Variants in PTPRN2 observed in about 807,000 individuals in gnomAD.
PTPRN2 encodes receptor-type tyrosine-protein phosphatase N2.
Under a neutral mutation model 118.8 loss-of-function variants are expected in PTPRN2, and 74 were observed. That is an observed-to-expected ratio of 0.62 (90% CI 0.52 to 0.76). The LOEUF is 0.76. PTPRN2 is among the 30% of genes least tolerant of loss of function. PTPRN2 has a pLI of 0.00. For missense variants in PTPRN2, 1,481 were observed against 1,394.4 expected, an observed-to-expected ratio of 1.06 and a Z score of -0.99; for synonymous variants, 641 against 608.0, an observed-to-expected ratio of 1.05 and a Z score of -0.80.
intron 2 of PTPRN2, among the ~76,000 whole-genome samples, chr7:158,387,024 C>T (rs557371015): frequency 1.2e-4 from 19 of 152,250 alleles, no homozygotes; most frequent in East Asian, 5.8e-4. Context: ...CCTCTGGGAT[C>T]GCGTCTGCCC....
Position 157,729,819 on chromosome 7 carries a change from C to T in PTPRN2, c.1789-46882G>A, listed in dbSNP as rs1032245565. Among the ~76,000 whole-genome samples the T allele has an allele frequency of 2.0e-5, 3 of 152,248 alleles. No individual in the cohort carries two copies. The highest frequency in any genetic ancestry group is 4.1e-4 in the South Asian group (2 of 4,826). On this transcript the variant is annotated intron_variant, in intron 12 of 22. Coordinates refer to ENST00000389418, the MANE Select transcript of PTPRN2 (RefSeq NM_002847.5). This position sits in a 1 kb window ranked among gnomAD's most constrained non-coding sequence, Gnocchi z 4.3. ...GGCCACCTGCTGGCCACGTGGAGGA[C>T]GGGGAGCGGCAGGCGGATGAGGGAA...
intron 12 of PTPRN2, among the ~76,000 whole-genome samples, chr7:157,846,932 C>G (rs1808861670): frequency 6.7e-6 from 1 of 150,082 alleles, no homozygotes; most frequent in South Asian, 2.1e-4. Flanking sequence ...TTTACAGAGC[C>G]CTCTCTCACT....
chr7:157,988,947 A>G (rs1406507054), intron 11 of PTPRN2, among the ~76,000 whole-genome samples: 1 of 152,210 alleles, frequency 6.6e-6, no homozygotes, highest in Non-Finnish European at 1.5e-5. Context: ...CTCATATGCA[A>G]ACATGTCTCT....
Position 157,990,356 on chromosome 7 carries a change from T to C in PTPRN2, c.1723+90942A>G, listed in dbSNP as rs1350523829. ...GGGACGGGGACAGGTGCAGCAGAGA[T>C]TGGGCACGGGCCAGGAATGCATCAC... On this transcript the variant is annotated intron_variant, in intron 11 of 22. Coordinates refer to ENST00000389418, the MANE Select transcript of PTPRN2 (RefSeq NM_002847.5). The surrounding 1 kb of genome is among the most constrained non-coding windows in gnomAD (Gnocchi z 4.3). 6.6e-6 allele frequency among the ~76,000 whole-genome samples: 1 copy of C among 151,958 alleles called. No homozygotes were observed. The highest frequency in any genetic ancestry group is 1.5e-5 in the Non-Finnish European group (1 of 67,992).
Position 157,611,746 on chromosome 7 carries a change from C to A in PTPRN2, c.2345-7671G>T, listed in dbSNP as rs373913823. ...TCATGCTGGGGACACGCGGAGGGAGCGCGCCCGTGTGAAGACGAAGACAGC... is the reference window on the plus strand; with the variant it reads ...TCATGCTGGGGACACGCGGAGGGAGAGCGCCCGTGTGAAGACGAAGACAGC... On this transcript the variant is annotated intron_variant, in intron 15 of 22. Transcript: ENST00000389418. The surrounding 1 kb of genome is among the most constrained non-coding windows in gnomAD (Gnocchi z 5.9). 0.011 allele frequency among the ~76,000 whole-genome samples: 1,191 copies of A among 109,606 alleles called. 7 individuals carry two copies. Among genetic ancestry groups the A allele is most frequent in the East Asian group, 0.037 (134 of 3,662 alleles). The allele number at this position is 109,606 out of a possible 152,430, so 71.9% of individuals were successfully genotyped here.
chr7:158,163,265 G>A (rs1436443062), intron 6 of PTPRN2, among the ~76,000 whole-genome samples: 2 of 151,638 alleles, frequency 1.3e-5, no homozygotes, highest in Non-Finnish European at 2.9e-5. Flanking sequence ...CTTAGGTGAC[G>A]CCTGTACGGG....
Position 158,587,623 on chromosome 7 carries a change from GGCAGCA to G in PTPRN2, c.41_46del (p.Leu14_Leu15del). ...AGGGGCGGCAGGCAGGACGCGTGGC[GGCAGCA>G]GCAGCAGTAGCAGCAGCAGCAGCGG... On this transcript the variant is annotated inframe_deletion, in exon 1 of 23. Coordinates refer to ENST00000389418, the MANE Select transcript of PTPRN2 (RefSeq NM_002847.5). The G allele has an allele frequency of 7.4e-7, 1 of 1,360,398 alleles. No homozygotes were observed. The highest frequency in any genetic ancestry group is 9.4e-7 in the Non-Finnish European group (1 of 1,062,514). The allele number at this position is 1,360,398 out of a possible 1,614,324, so 84.3% of individuals were successfully genotyped here.
intron 1 of PTPRN2, among the ~76,000 whole-genome samples, chr7:158,557,378 C>G (rs548946866): frequency 1.3e-5 from 2 of 150,422 alleles, no homozygotes; most frequent in Non-Finnish European, 3.0e-5. Flanking sequence ...GCGGCTCCCA[C>G]GCAGTTTAGG....
intron 8 of PTPRN2, among the ~76,000 whole-genome samples, chr7:158,136,264 C>T (rs780452476): frequency 3.9e-5 from 6 of 152,200 alleles, no homozygotes; most frequent in South Asian, 2.1e-4. Flanking sequence ...AGGTGCCACA[C>T]GGGACAGCCA....
rs118184111 is a variant in PTPRN2 at position 158,251,346 on chromosome 7, C to T, written c.278-46073G>A. Among the ~76,000 whole-genome samples the T allele has an allele frequency of 4.0e-3, 608 of 152,240 alleles. 10 individuals carry two copies. The highest frequency in any genetic ancestry group is 0.02 in the East Asian group (102 of 5,154). ...TTACTGCACGGATATGATACATGTG[C>T]ATGCGGTATGTGTGCATGTGGGGCG... is the stretch of plus-strand genomic sequence containing the variant. On this transcript the variant is annotated intron_variant, in intron 3 of 22. Transcript: ENST00000389418.
At chr7:157,573,747 C>A (rs899031324) in intron 19 of PTPRN2, among the ~76,000 whole-genome samples, 1 of 152,202 alleles carries the variant, frequency 6.6e-6, no homozygotes, top group East Asian at 1.9e-4. Context: ...CAACCTGCTT[C>A]CCCACTCCCG....
At chr7:157,747,128 C>T (rs1801005071) in intron 12 of PTPRN2, among the ~76,000 whole-genome samples, 1 of 140,940 alleles carries the variant, frequency 7.1e-6, no homozygotes, top group Non-Finnish European at 1.5e-5. Flanking sequence ...AGGCCTGTGT[C>T]CCTGAGCTGT....
chr7:158,191,657 G>A (rs1825774634), intron 5 of PTPRN2, among the ~76,000 whole-genome samples: 2 of 152,118 alleles, frequency 1.3e-5, no homozygotes, highest in Admixed American at 1.3e-4. Flanking sequence ...ATGTTGAGTG[G>A]GCTTCGCATA....
intron 21 of PTPRN2, among the ~76,000 whole-genome samples, chr7:157,552,603 C>T (rs61542270): frequency 0.036 from 5,537 of 152,260 alleles, 234 homozygotes; most frequent in East Asian, 0.14. Flanking sequence ...GTTTGGAAAC[C>T]GGGTTCTAAT....
rs80156896 is a variant in PTPRN2, at chr7:158,048,392, T to C, written c.1723+32906A>G. 3.0e-4 allele frequency among the ~76,000 whole-genome samples: 45 copies of C among 152,264 alleles called. No homozygotes were observed. The East Asian group carries it at 8.3e-3, about 28-fold the overall frequency. Reference sequence around the variant, plus strand: ...CATGTTACATTTTCTTAGACTTAAGTTTTCTTCATAGCAAGGGAACATGAC... The same window carrying C: ...CATGTTACATTTTCTTAGACTTAAGCTTTCTTCATAGCAAGGGAACATGAC... On this transcript the variant is annotated intron_variant, in intron 11 of 22. Transcript: ENST00000389418.
At chr7:157,867,937 C>T (rs1810813151) in intron 12 of PTPRN2, among the ~76,000 whole-genome samples, 1 of 152,178 alleles carries the variant, frequency 6.6e-6, no homozygotes, top group South Asian at 2.1e-4. Context: ...TCCACAAGAG[C>T]AGGACTGGGG....
At chr7:158,146,401 A>G (rs1463726989) in intron 6 of PTPRN2, among the ~76,000 whole-genome samples, 2 of 152,138 alleles carry the variant, frequency 1.3e-5, no homozygotes, top group Non-Finnish European at 2.9e-5. Context: ...ATCTATTGTG[A>G]TCAAAGCCTG....
At chr7:158,018,371 G>A (rs780729223) in intron 11 of PTPRN2, among the ~76,000 whole-genome samples, 5 of 148,776 alleles carry the variant, frequency 3.4e-5, no homozygotes, top group Admixed American at 1.3e-4. Flanking sequence ...CAGGCGTAGC[G>A]TGCATGCTCT....
chr7:158,193,956 C>G (rs535525646), intron 4 of PTPRN2, among the ~76,000 whole-genome samples: 1 of 150,778 alleles, frequency 6.6e-6, no homozygotes, highest in Admixed American at 6.6e-5. Flanking sequence ...CATGGGGGCT[C>G]GCAGCTATAA....
Sources: gnomAD v4.1 joint callset for allele counts (sites outside exome capture counted in the v4.1 genomes callset) on GRCh38, gnomAD v4.1.1 for gene constraint, Gnocchi (gnomAD v3.1) non-coding constraint, MANE v1.5 for transcripts, NCBI Gene and HGNC (gene_info 2026-07-23, HGNC 2026-07-21) for gene names.